NMNAT3: variants seen among roughly 807,000 people sequenced by gnomAD.
NMNAT3 encodes the protein nicotinamide nucleotide adenylyltransferase 3.
A neutral mutation model predicts 24.8 loss-of-function variants in NMNAT3; 21 were observed. The observed-to-expected ratio is 0.85, with a 90% CI of 0.60 to 1.22. The LOEUF is 1.22. Ranked by LOEUF, NMNAT3 falls within the 50% of genes most tolerant of loss-of-function variation. The pLI is 0.00. For synonymous variants in NMNAT3, 136 were observed against 155.2 expected (o/e 0.88, Z 0.92); for missense variants, 387 against 436.6 (o/e 0.89, Z 1.01).
intron 1 of NMNAT3, among the ~76,000 whole-genome samples, chr3:139,668,924 A>G (rs1200973175): frequency 1.3e-5 from 2 of 152,228 alleles, no homozygotes; most frequent in Non-Finnish European, 2.9e-5. Flanking sequence ...GATCTAAAAC[A>G]CTAAGATCTT....
intron 3 of NMNAT3, among the ~76,000 whole-genome samples, chr3:139,626,026 T>C (rs1243401718): frequency 2.0e-5 from 3 of 152,184 alleles, no homozygotes; most frequent in African/African-American, 7.2e-5. Context: ...GCTGTCATCT[T>C]TATTTTTGTT....
intron 3 of NMNAT3, among the ~76,000 whole-genome samples, chr3:139,617,736 CAAT>C (rs1360937681): frequency 3.3e-5 from 5 of 152,152 alleles, no homozygotes; most frequent in Non-Finnish European, 7.4e-5. Flanking sequence ...CTAACTGTCT[CAAT>C]AACAGTAAAC....
chr3:139,615,632 C>A (rs1302666896), intron 3 of NMNAT3, among the ~76,000 whole-genome samples: 1 of 152,168 alleles, frequency 6.6e-6, no homozygotes, highest in African/African-American at 2.4e-5. Context: ...TAGCTTCTTT[C>A]TCCAACAGTG....
chr3:139,594,782 C>A (rs1239468322), intron 3 of NMNAT3, among the ~76,000 whole-genome samples: 3 of 152,110 alleles, frequency 2.0e-5, no homozygotes, highest in African/African-American at 7.2e-5. Flanking sequence ...TAAAAACTCT[C>A]AATAAATTAG....
chr3:139,655,125 A>G (rs2057195058), intron 1 of NMNAT3, among the ~76,000 whole-genome samples: 1 of 152,232 alleles, frequency 6.6e-6, no homozygotes, highest in Non-Finnish European at 1.5e-5. Flanking sequence ...AGCATTTGCA[A>G]AGGCCTTGGA....
intron 5 of NMNAT3, among the ~76,000 whole-genome samples, 164 bp from the exon 6 acceptor site, chr3:139,573,844 G>A (rs1938851755): frequency 6.6e-6 from 1 of 152,164 alleles, no homozygotes; most frequent in African/African-American, 2.4e-5. Flanking sequence ...CCAGGAGCTG[G>A]GACAGAAAGC....
At chr3:139,675,236 T>C (rs138287867) in intron 1 of NMNAT3, among the ~76,000 whole-genome samples, 129 of 152,222 alleles carry the variant, frequency 8.5e-4, no homozygotes, top group African/African-American at 3.0e-3. Flanking sequence ...ATTCATGCCT[T>C]TTTGGCCTGG....
At chr3:139,608,536 A>C (rs1316882456) in intron 3 of NMNAT3, among the ~76,000 whole-genome samples, 2 of 152,182 alleles carry the variant, frequency 1.3e-5, no homozygotes, top group African/African-American at 2.4e-5. Flanking sequence ...TAATTAATCA[A>C]ATATGTTGTT....
At chr3:139,620,656 T>C (rs934442743) in intron 3 of NMNAT3, among the ~76,000 whole-genome samples, 2 of 152,224 alleles carry the variant, frequency 1.3e-5, no homozygotes, top group African/African-American at 4.8e-5. Flanking sequence ...TTGCTTTCAT[T>C]TCTCTTGTGT....
At chr3:139,579,100 C>G (rs1229560885) in intron 4 of NMNAT3, 45 bp from the exon 5 acceptor site, 1 of 1,528,762 alleles carries the variant, frequency 6.5e-7, no homozygotes, top group Non-Finnish European at 8.9e-7. Context: ...GACAGATGCT[C>G]ACCACCTGGC....
chr3:139,673,297 C>A (rs1036207632), intron 1 of NMNAT3, among the ~76,000 whole-genome samples: 20 of 152,300 alleles, frequency 1.3e-4, no homozygotes, highest in Admixed American at 7.8e-4. Context: ...CCCAACCAGA[C>A]AACATCCGAG....
At chr3:139,572,111 A>T in intron 6 of NMNAT3, 1 of 398,762 alleles carries the variant, frequency 2.5e-6, no homozygotes, top group Non-Finnish European at 4.4e-6. Context: ...ACTCACCTCC[A>T]TTCATACCCT....
At chr3:139,583,961 G>C (rs2053797720) in intron 3 of NMNAT3, 2 of 188,870 alleles carry the variant, frequency 1.1e-5, no homozygotes, top group South Asian at 3.1e-4. Flanking sequence ...AATGTTGGTT[G>C]TGACTTCTTT....
chr3:139,627,569 G>T, intron 3 of NMNAT3, 47 bp downstream of exon 4: 1 of 1,148,234 alleles, frequency 8.7e-7, no homozygotes, highest in Non-Finnish European at 1.2e-6. Context: ...GCCCCATGAA[G>T]CCTAACCCAC....
In NMNAT3 at chr3:139,661,352, G is replaced by A. The variant is rs77965462; in HGVS notation, c.-141+16353C>T. On this transcript the variant is annotated intron_variant, in intron 1 of 6. Transcript: ENST00000643695. ...ACTCAGTGACTTTAAAAAAAATTTT[G>A]TTATGAAAAATCACAAACATATAGA... Among the ~76,000 whole-genome samples, 1,153 of 152,224 alleles carry A rather than the reference G, an allele frequency of 7.6e-3. 20 individuals carry two copies. Among genetic ancestry groups the A allele is most frequent in the African/African-American group, 0.026 (1,094 of 41,534 alleles).
Position 139,620,141 on chromosome 3 carries a change from G to T in NMNAT3, c.109+7475C>A, listed in dbSNP as rs537324364. Reference sequence around the variant, plus strand: ...ATTTCTCTTACTATTTATTTGTTGTGTCTTTTGCCCTAAAGAATGTATTGT... The same window carrying T: ...ATTTCTCTTACTATTTATTTGTTGTTTCTTTTGCCCTAAAGAATGTATTGT... On this transcript the variant is annotated intron_variant, in intron 3 of 6. Transcript: ENST00000643695. 4.1e-5 allele frequency among the ~76,000 whole-genome samples: 6 copies of T among 146,930 alleles called. No individual in the cohort carries two copies. The South Asian group carries it at 6.4e-4, about 16-fold the overall frequency.
chr3:139,575,841 G>A, intron 5 of NMNAT3: 1 of 1,220,530 alleles, frequency 8.2e-7, no homozygotes, highest in Non-Finnish European at 1.0e-6. Flanking sequence ...AACTGTGGGA[G>A]GTGTAAAGCC....
intron 6 of NMNAT3, among the ~76,000 whole-genome samples, chr3:139,571,882 G>T (rs1412108351): frequency 6.6e-6 from 1 of 152,204 alleles, no homozygotes; most frequent in African/African-American, 2.4e-5. Flanking sequence ...TCAGTGTGTT[G>T]TCCCTCCTGA....
intron 1 of NMNAT3, among the ~76,000 whole-genome samples, chr3:139,663,996 G>T (rs1230608990): frequency 1.3e-5 from 2 of 152,188 alleles, no homozygotes; most frequent in Non-Finnish European, 2.9e-5. Flanking sequence ...AGCTTAGAGG[G>T]AAGTAAGGAT....
Sources: allele counts gnomAD v4.1 joint callset (sites outside exome capture counted in the v4.1 genomes callset), GRCh38; gene constraint gnomAD v4.1.1; transcripts MANE v1.5; gene names NCBI Gene and HGNC (gene_info 2026-07-23, HGNC 2026-07-21).